SLIT3: variants seen among roughly 807,000 people sequenced by gnomAD.
The protein encoded by SLIT3 is slit homolog 3 protein.
SLIT3 carries 68 observed loss-of-function variants against 184.0 expected under a neutral mutation model. The observed-to-expected ratio is 0.37, with a 90% confidence interval of 0.30 to 0.45. The LOEUF (loss-of-function observed/expected upper bound fraction) is 0.45. SLIT3 is among the 20% of genes least tolerant of loss of function. SLIT3 has a pLI of 1.00. For synonymous variants in SLIT3, 831 were observed against 828.6 expected, an observed-to-expected ratio of 1.00 and a Z score of -0.05; for missense variants, 1,707 against 2,026.0, an observed-to-expected ratio of 0.84 and a Z score of 3.02.
chr5:168,961,634 C>T lies in SLIT3; in HGVS notation c.414-78298G>A, dbSNP rs923889941. 4.6e-5 allele frequency among the ~76,000 whole-genome samples: 7 copies of T among 152,234 alleles called. No individual in the cohort carries two copies. In the East Asian group the frequency reaches 1.2e-3, roughly 25 times the overall value. On this transcript the variant is annotated intron_variant, in intron 4 of 35. Coordinates refer to ENST00000519560, the MANE Select transcript of SLIT3 (RefSeq NM_003062.4). ...GGTGAACCGGTACCAGGGAACAGAA[C>T]CTTCTGTGCAGAGAGAATAGTATGT... is the stretch of plus-strand genomic sequence containing the variant.
chr5:169,234,344 T>C (rs1489517091), intron 3 of SLIT3, among the ~76,000 whole-genome samples: 1 of 152,202 alleles, frequency 6.6e-6, no homozygotes, highest in East Asian at 1.9e-4. Flanking sequence ...TCTAGGATTT[T>C]TGGAAGTGTT....
At chr5:169,002,184 A>T (rs1277157475) in intron 4 of SLIT3, among the ~76,000 whole-genome samples, 1 of 151,498 alleles carries the variant, frequency 6.6e-6, no homozygotes, top group Non-Finnish European at 1.5e-5. Context: ...TTAATCAGGC[A>T]TGGTGGTGTG....
intron 4 of SLIT3, among the ~76,000 whole-genome samples, chr5:169,145,891 T>C (rs1043090119): frequency 3.3e-5 from 5 of 151,986 alleles, no homozygotes; most frequent in Admixed American, 3.3e-4. Context: ...CTACTAAAAA[T>C]ACAAAAATTA....
intron 4 of SLIT3, among the ~76,000 whole-genome samples, chr5:169,180,445 G>A (rs1314556011): frequency 2.6e-5 from 4 of 152,114 alleles, no homozygotes; most frequent in East Asian, 1.9e-4. Context: ...CAATAATTGC[G>A]GCTGTTAGAT....
intron 31 of SLIT3, among the ~76,000 whole-genome samples, 173 bp from the exon 32 acceptor site, chr5:168,684,269 G>C (rs555635787): frequency 1.2e-3 from 186 of 152,256 alleles, no homozygotes; most frequent in South Asian, 2.1e-3. Context: ...GTAAGGCCTA[G>C]ACTTACACCT....
intron 2 of SLIT3, among the ~76,000 whole-genome samples, chr5:169,250,375 C>A (rs1017301523): frequency 6.6e-6 from 1 of 152,178 alleles, no homozygotes. Context: ...AAGCACTACA[C>A]GTGTAACTAT....
intron 3 of SLIT3, among the ~76,000 whole-genome samples, chr5:169,229,669 T>TCTCC (rs1291801817): frequency 1.4e-4 from 21 of 148,606 alleles, no homozygotes; most frequent in Non-Finnish European, 3.0e-4. Flanking sequence ...TCTCTCTCTC[T>TCTCC]CCTTATTCAT....
chr5:169,044,596 G>GGAGGGAGGGGGGGGGGT (rs1757563515), intron 4 of SLIT3, among the ~76,000 whole-genome samples: 1 of 148,662 alleles, frequency 6.7e-6, no homozygotes, highest in South Asian at 2.2e-4. Flanking sequence ...GTGGGGGGGG[G>GGAGGGAGGGGGGGGGGT]GATGGGGAGA....
At chr5:169,276,445 T>A (rs1288942635) in intron 1 of SLIT3, among the ~76,000 whole-genome samples, 1 of 152,174 alleles carries the variant, frequency 6.6e-6, no homozygotes, top group Non-Finnish European at 1.5e-5. Context: ...TCATCCTCTA[T>A]CCTCTTTGGT....
chr5:168,708,224 T>TG (rs1481263788), intron 25 of SLIT3, 124 bp from the exon 26 acceptor site: 1 of 1,326,580 alleles, frequency 7.5e-7, no homozygotes, highest in African/African-American at 1.4e-5. Context: ...CATGCCCAGA[T>TG]GGCAGCTGGC....
At chr5:168,977,387 A>T (rs1581262530) in intron 4 of SLIT3, among the ~76,000 whole-genome samples, 1 of 152,212 alleles carries the variant, frequency 6.6e-6, no homozygotes, top group Non-Finnish European at 1.5e-5. Context: ...CTTATGGCTA[A>T]CCTACCATTG....
intron 4 of SLIT3, among the ~76,000 whole-genome samples, chr5:169,120,929 GC>G (rs2113287437): frequency 6.6e-6 from 1 of 152,180 alleles, no homozygotes; most frequent in South Asian, 2.1e-4. Flanking sequence ...TTTCTTATAA[GC>G]CCAGCCCCCA....
At chr5:168,952,528 C>CAAAAAAAAGAAAAAAA (rs1762686316) in intron 4 of SLIT3, among the ~76,000 whole-genome samples, 1 of 77,930 alleles carries the variant, frequency 1.3e-5, no homozygotes, top group Admixed American at 1.5e-4. Flanking sequence ...GGGAAAATGC[C>CAAAAAAAAGAAAAAAA]AAAAAAAAAA....
intron 4 of SLIT3, among the ~76,000 whole-genome samples, chr5:168,913,580 C>T (rs753418904): frequency 5.3e-5 from 8 of 151,938 alleles, no homozygotes; most frequent in Non-Finnish European, 1.2e-4. Context: ...CCAGCCTGGC[C>T]AACGTGGTAA....
chr5:169,290,696 A>G (rs1581144519), intron 1 of SLIT3, among the ~76,000 whole-genome samples: 1 of 138,776 alleles, frequency 7.2e-6, no homozygotes, highest in Non-Finnish European at 1.6e-5. Flanking sequence ...TGGGGCACGC[A>G]CTAGGGCACG....
intron 20 of SLIT3, among the ~76,000 whole-genome samples, chr5:168,727,213 G>C (rs977220153): frequency 1.3e-5 from 2 of 151,772 alleles, no homozygotes; most frequent in Non-Finnish European, 2.9e-5. Flanking sequence ...CCAGCTACTA[G>C]GGAGGCTGAG....
chr5:169,176,913 T>G (rs909598781), intron 4 of SLIT3, among the ~76,000 whole-genome samples: 10 of 152,078 alleles, frequency 6.6e-5, no homozygotes, highest in Admixed American at 6.6e-4. Flanking sequence ...GAAATCCACC[T>G]CGAGGGCTCC....
intron 14 of SLIT3, among the ~76,000 whole-genome samples, chr5:168,769,446 C>G (rs550659233): frequency 6.6e-6 from 1 of 152,302 alleles, no homozygotes; most frequent in South Asian, 2.1e-4. Flanking sequence ...TCTAGATGGT[C>G]TCAGCATCTC....
chr5:169,105,219 G>A (rs936446343), intron 4 of SLIT3, among the ~76,000 whole-genome samples: 1 of 152,104 alleles, frequency 6.6e-6, no homozygotes, highest in African/African-American at 2.4e-5. Context: ...GTTTAATGTG[G>A]GTGGGGGACG....
Sources: gnomAD v4.1 joint callset for allele counts (sites outside exome capture counted in the v4.1 genomes callset) on GRCh38, gnomAD v4.1.1 for gene constraint, MANE v1.5 for transcripts, NCBI Gene and HGNC (gene_info 2026-07-23, HGNC 2026-07-21) for gene names.